Variants in MTUS1 observed in about 807,000 individuals in gnomAD.
MTUS1 encodes the protein microtubule-associated tumor suppressor 1.
In MTUS1, 109 loss-of-function variants were observed where a neutral mutation model predicts 120.8. The ratio of observed to expected loss-of-function variants is 0.90; its 90% CI spans 0.77 to 1.06. The LOEUF (loss-of-function observed/expected upper bound fraction) is 1.06, where lower values mean the gene tolerates loss of function less well. Among genes scored for constraint, MTUS1 ranks in the 50% least tolerant of loss-of-function variants. The pLI, the probability that MTUS1 is intolerant of heterozygous loss-of-function variation, is 0.00. For missense variants in MTUS1, 2,210 were observed against 1,486.3 expected, an observed-to-expected ratio of 1.49 and a Z score of -8.01; for synonymous variants, 737 against 550.5, an observed-to-expected ratio of 1.34 and a Z score of -4.74.
chr8:17,780,893 A>T (rs778622990), intron 1 of MTUS1: 1 of 152,224 alleles, frequency 6.6e-6, no homozygotes, highest in Non-Finnish European at 1.5e-5. Context: ...GCAAAAGGTG[A>T]CGTGAGGCAT....
At chr8:17,714,374 A>AT (rs1485493431) in intron 5 of MTUS1, among the ~76,000 whole-genome samples, 4 of 152,186 alleles carry the variant, frequency 2.6e-5, no homozygotes, top group Non-Finnish European at 5.9e-5. Flanking sequence ...ACAGAGTAAC[A>AT]CCTCTGAGAA....
chr8:17,684,525 T>G lies in MTUS1; in HGVS notation c.2641A>C (p.Lys881Gln), dbSNP rs1234252761. The change falls in exon 7 of 15, where the codon AAG becomes CAG. Residue 881 changes from lysine to glutamine, a missense_variant. Transcript: ENST00000693296. ...TGGATACATAAGCTTCGAGGATTCTTTTGCCTGCTCTTTTCAACTGCAAAA... is the reference window on the plus strand; with the variant it reads ...TGGATACATAAGCTTCGAGGATTCTGTTGCCTGCTCTTTTCAACTGCAAAA... ...ALNAVEKSRQKNPRSLCIQPQ... is the reference protein window; with the variant it reads ...ALNAVEKSRQQNPRSLCIQPQ... 1 of 1,613,710 alleles carries G rather than the reference T, an allele frequency of 6.2e-7. No homozygotes were observed. The highest frequency in any genetic ancestry group is 1.7e-5 in the Admixed American group (1 of 60,000).
At chr8:17,654,253 G>A (rs1807704744) in intron 10 of MTUS1, 1 of 395,966 alleles carries the variant, frequency 2.5e-6, no homozygotes, top group Non-Finnish European at 4.6e-6. Context: ...TGGATTACAA[G>A]ATAGAAACTT....
At chr8:17,762,792 G>A (rs1028124316) in intron 1 of MTUS1, among the ~76,000 whole-genome samples, 1 of 152,100 alleles carries the variant, frequency 6.6e-6, no homozygotes, top group Non-Finnish European at 1.5e-5. Context: ...CCTTTGGTTG[G>A]TCAACTGACT....
chr8:17,765,063 CA>C (rs1296783959), intron 1 of MTUS1, among the ~76,000 whole-genome samples: 2 of 152,162 alleles, frequency 1.3e-5, no homozygotes, highest in Non-Finnish European at 2.9e-5. Flanking sequence ...GAGACAGTGA[CA>C]GATCATTAGG....
chr8:17,682,020 C>T (rs571405951), intron 7 of MTUS1, among the ~76,000 whole-genome samples: 1 of 152,304 alleles, frequency 6.6e-6, no homozygotes, highest in South Asian at 2.1e-4. Context: ...TACCACACAT[C>T]TCAATTCAAC....
intron 12 of MTUS1, 23 bp downstream of exon 12, chr8:17,653,163 A>C (rs1470744332): frequency 2.9e-6 from 4 of 1,373,746 alleles, no homozygotes; most frequent in Non-Finnish European, 4.0e-6. Flanking sequence ...TTCCATACTG[A>C]TAAAGGAGCA....
intron 3 of MTUS1, among the ~76,000 whole-genome samples, chr8:17,728,644 G>C (rs2046367882): frequency 6.6e-6 from 1 of 152,190 alleles, no homozygotes; most frequent in African/African-American, 2.4e-5. Context: ...ATACAGCTTA[G>C]TAGGAACACA....
intron 12 of MTUS1, among the ~76,000 whole-genome samples, chr8:17,652,063 C>A (rs958683119): frequency 6.6e-5 from 10 of 152,210 alleles, no homozygotes; most frequent in African/African-American, 2.4e-4. Context: ...CATGTACTTT[C>A]TAGAGCTGGC....
chr8:17,686,013 T>A (rs987477601), intron 6 of MTUS1, among the ~76,000 whole-genome samples: 58 of 152,362 alleles, frequency 3.8e-4, no homozygotes, highest in African/African-American at 1.4e-3. Context: ...ACCATGAGAT[T>A]AGCATTCTTT....
At chr8:17,757,493 C>T (rs553021964) in intron 1 of MTUS1, among the ~76,000 whole-genome samples, 1 of 152,322 alleles carries the variant, frequency 6.6e-6, no homozygotes, top group African/African-American at 2.4e-5. Flanking sequence ...AAAACACCCA[C>T]GAAAGCATTT....
intron 1 of MTUS1, among the ~76,000 whole-genome samples, chr8:17,795,738 CAAGT>C (rs1383850058): frequency 1.3e-5 from 2 of 152,004 alleles, no homozygotes; most frequent in Non-Finnish European, 2.9e-5. Context: ...CTCCCGGGTT[CAAGT>C]GATTCTCCTG....
In MTUS1 at chr8:17,701,031, A is replaced by T. The variant is rs540166427; in HGVS notation, c.2623+12183T>A. Among the ~76,000 whole-genome samples, 176 of 152,288 alleles carry T rather than the reference A, an allele frequency of 1.2e-3. 1 individual carries two copies. The highest frequency in any genetic ancestry group is 4.1e-3 in the African/African-American group (172 of 41,572). On this transcript the variant is annotated intron_variant, in intron 6 of 14. Transcript: ENST00000693296. ...GTATGGGGTGCTTAGATGCTACAAA[A>T]TGCCTTCAATTTATCTGTTATTGTT...
chr8:17,723,711 C>T lies in MTUS1; in HGVS notation c.2410G>A (p.Ala804Thr), dbSNP rs1585966482. 1 of 1,610,958 alleles carries T rather than the reference C, an allele frequency of 6.2e-7. No homozygotes were observed. Among genetic ancestry groups the T allele is most frequent in the Non-Finnish European group, 8.5e-7 (1 of 1,177,872 alleles). ...LRRTGSTPSI[A>T]STHSELSTYS... is the part of the protein sequence containing the mutation. ...GTGCTCAGCTCACTGTGGGTGCTGGCTATTGAGGGGGTGCTTCCTGTCCTC... is the reference window on the plus strand; with the variant it reads ...GTGCTCAGCTCACTGTGGGTGCTGGTTATTGAGGGGGTGCTTCCTGTCCTC... The change falls in exon 4 of 15, where the codon GCC (alanine) becomes ACC (threonine). Residue 804 changes from alanine (A) to threonine (T), a missense_variant. By Grantham distance (58) the Ala-to-Thr change is moderately conservative. Coordinates refer to ENST00000693296, the MANE Select transcript of MTUS1 (RefSeq NM_001363059.2).
At chr8:17,711,863 T>A (rs2937894) in intron 6 of MTUS1, among the ~76,000 whole-genome samples, 1 of 152,160 alleles carries the variant, frequency 6.6e-6, no homozygotes, top group East Asian at 1.9e-4. Context: ...CTTTCAATAT[T>A]ATTGTGTCTC....
intron 3 of MTUS1, among the ~76,000 whole-genome samples, chr8:17,737,422 C>G (rs1173184334): frequency 1.3e-5 from 2 of 152,246 alleles, no homozygotes; most frequent in Admixed American, 1.3e-4. Flanking sequence ...TCCTGATACA[C>G]ACTTTAAGGA....
intron 4 of MTUS1, chr8:17,722,354 T>A: frequency 1.5e-5 from 15 of 969,724 alleles, no homozygotes; most frequent in Non-Finnish European, 1.7e-5. Context: ...GATTCTGTTT[T>A]GGCAGTTTGT....
intron 8 of MTUS1, among the ~76,000 whole-genome samples, chr8:17,665,950 G>T (rs1442875752): frequency 6.6e-6 from 1 of 152,074 alleles, no homozygotes; most frequent in Non-Finnish European, 1.5e-5. Flanking sequence ...CCATCTTGGT[G>T]CCTAGGTACC....
chr8:17,702,239 G>C (rs1040714285), intron 6 of MTUS1, among the ~76,000 whole-genome samples: 1 of 152,176 alleles, frequency 6.6e-6, no homozygotes, highest in African/African-American at 2.4e-5. Context: ...TTCTTCGCCA[G>C]TACCAGGTGC....
Sources: allele counts gnomAD v4.1 joint callset (sites outside exome capture counted in the v4.1 genomes callset), GRCh38; gene constraint gnomAD v4.1.1; transcripts MANE v1.5; gene names NCBI Gene and HGNC (gene_info 2026-07-23, HGNC 2026-07-21).